LCLAT1: variants seen among roughly 807,000 people sequenced by gnomAD.
LCLAT1 encodes 1-AGP acyltransferase 8.
Under a neutral mutation model 30.7 loss-of-function variants are expected in LCLAT1, and 11 were observed. The observed-to-expected ratio is 0.36, with a 90% CI of 0.23 to 0.59. The LOEUF is 0.59. Ranked by LOEUF, LCLAT1 falls within the 20% of genes least tolerant of loss-of-function variation. The pLI, the probability that LCLAT1 is intolerant of heterozygous loss-of-function variation, is 0.77. For synonymous variants in LCLAT1, 155 were observed against 151.3 expected, an observed-to-expected ratio of 1.02 and a Z score of -0.18; for missense variants, 402 against 458.6, an observed-to-expected ratio of 0.88 and a Z score of 1.13.
At chr2:30,586,488 G>A (rs1224278014) in intron 5 of LCLAT1, among the ~76,000 whole-genome samples, 1 of 152,096 alleles carries the variant, frequency 6.6e-6, no homozygotes, top group Non-Finnish European at 1.5e-5. Flanking sequence ...CTTCTTTTAA[G>A]GATACCACTC....
At chr2:30,523,089 G>T (rs1219046695) in intron 1 of LCLAT1, among the ~76,000 whole-genome samples, 1 of 151,942 alleles carries the variant, frequency 6.6e-6, no homozygotes, top group Non-Finnish European at 1.5e-5. Flanking sequence ...TCTGCAGGGA[G>T]TTGAGGGGTG....
intron 1 of LCLAT1, among the ~76,000 whole-genome samples, chr2:30,487,580 T>C (rs571079988): frequency 9.3e-4 from 142 of 152,246 alleles, no homozygotes; most frequent in Admixed American, 2.0e-3. Flanking sequence ...ACATTTGAAA[T>C]ACTAAATACA....
intron 3 of LCLAT1, among the ~76,000 whole-genome samples, chr2:30,554,819 G>A (rs1255767474): frequency 6.6e-6 from 1 of 152,018 alleles, no homozygotes; most frequent in Non-Finnish European, 1.5e-5. Context: ...TCAAGCCAAG[G>A]GATTATCCTT....
At chr2:30,497,133 T>C (rs1684158177) in intron 1 of LCLAT1, among the ~76,000 whole-genome samples, 1 of 152,250 alleles carries the variant, frequency 6.6e-6, no homozygotes, top group Non-Finnish European at 1.5e-5. Flanking sequence ...ATGCCCTGTG[T>C]ATACCCTCTA....
chr2:30,569,595 G>A (rs1665680152), intron 5 of LCLAT1, among the ~76,000 whole-genome samples: 1 of 73,368 alleles, frequency 1.4e-5, no homozygotes, highest in Non-Finnish European at 2.8e-5. Context: ...GAACCATTAT[G>A]TAAGAAAAGG....
rs1359995546 is a variant in LCLAT1, at chr2:30,478,364, G to A, written c.-5+30981G>A. ...ATTCCAAACAGCTGATTTAAATGCAGAGTTTTAGCATGCTACCTGCTCATA... is the reference window on the plus strand; with the variant it reads ...ATTCCAAACAGCTGATTTAAATGCAAAGTTTTAGCATGCTACCTGCTCATA... On this transcript the variant is annotated intron_variant, in intron 1 of 5. Coordinates refer to ENST00000379509, the MANE Select transcript of LCLAT1 (RefSeq NM_001002257.3). 2.0e-5 allele frequency among the ~76,000 whole-genome samples: 3 copies of A among 152,254 alleles called. No homozygotes were observed. In the East Asian group the frequency reaches 5.8e-4, roughly 29 times the overall value.
At chr2:30,557,722 A>T (rs1380589914) in intron 3 of LCLAT1, among the ~76,000 whole-genome samples, 1 of 152,132 alleles carries the variant, frequency 6.6e-6, no homozygotes, top group Non-Finnish European at 1.5e-5. Context: ...GCCCACATCA[A>T]ATTTTTAATC....
intron 5 of LCLAT1, among the ~76,000 whole-genome samples, chr2:30,592,043 G>A (rs986761050): frequency 2.0e-5 from 3 of 152,036 alleles, no homozygotes; most frequent in African/African-American, 4.8e-5. Context: ...TCATCTTTGT[G>A]ATCCCAGCCC....
At chr2:30,562,841 C>T (rs915860402) in intron 4 of LCLAT1, among the ~76,000 whole-genome samples, 7 of 152,142 alleles carry the variant, frequency 4.6e-5, no homozygotes, top group Non-Finnish European at 7.3e-5. Flanking sequence ...TACTCCTCAG[C>T]GTCTTCCTCA....
chr2:30,539,035 C>A (rs1379722763), intron 3 of LCLAT1, among the ~76,000 whole-genome samples: 1 of 151,264 alleles, frequency 6.6e-6, no homozygotes, highest in East Asian at 2.0e-4. Context: ...TATTGGCTCA[C>A]TCCAACCTCC....
intron 5 of LCLAT1, among the ~76,000 whole-genome samples, chr2:30,614,340 A>G (rs1667888069): frequency 6.7e-6 from 1 of 149,590 alleles, no homozygotes; most frequent in Admixed American, 6.7e-5. Context: ...ATCTCAAGGC[A>G]GAAGAATTTT....
chr2:30,549,692 T>C (rs1403996211), intron 3 of LCLAT1, among the ~76,000 whole-genome samples: 1 of 152,232 alleles, frequency 6.6e-6, no homozygotes, highest in Non-Finnish European at 1.5e-5. Flanking sequence ...CCTTCAGTTG[T>C]TCTTTGTCTT....
At chr2:30,559,942 C>T (rs116574312) in intron 3 of LCLAT1, among the ~76,000 whole-genome samples, 9 of 152,304 alleles carry the variant, frequency 5.9e-5, no homozygotes, top group South Asian at 2.1e-4. Flanking sequence ...TTATTTGTTT[C>T]TCTCATCAAT....
intron 1 of LCLAT1, among the ~76,000 whole-genome samples, chr2:30,486,862 TTCC>T (rs1238656423): frequency 1.3e-5 from 2 of 152,192 alleles, no homozygotes; most frequent in African/African-American, 4.8e-5. Flanking sequence ...AATGTGAGCC[TTCC>T]TCCTCCACCC....
At chr2:30,477,893 T>C (rs1226005261) in intron 1 of LCLAT1, among the ~76,000 whole-genome samples, 1 of 152,176 alleles carries the variant, frequency 6.6e-6, no homozygotes, top group Non-Finnish European at 1.5e-5. Context: ...TTAAGACTTC[T>C]TGAAATTTTA....
At chr2:30,505,595 A>G (rs1364304425) in intron 1 of LCLAT1, among the ~76,000 whole-genome samples, 2 of 152,120 alleles carry the variant, frequency 1.3e-5, no homozygotes, top group East Asian at 1.9e-4. Flanking sequence ...TTCAGTTTTA[A>G]TAAAGTGAAT....
intron 3 of LCLAT1, among the ~76,000 whole-genome samples, chr2:30,543,008 G>C (rs1664221478): frequency 1.4e-5 from 2 of 139,930 alleles, no homozygotes; most frequent in African/African-American, 5.4e-5. Context: ...ATAATGTTAA[G>C]TAGAAGTGTT....
At chr2:30,570,750 G>A (rs1383483228) in intron 5 of LCLAT1, among the ~76,000 whole-genome samples, 1 of 152,192 alleles carries the variant, frequency 6.6e-6, no homozygotes, top group Non-Finnish European at 1.5e-5. Flanking sequence ...TTTAAAAAGA[G>A]GCTAAATGGC....
At chr2:30,593,897 C>T (rs1220041313) in intron 5 of LCLAT1, among the ~76,000 whole-genome samples, 2 of 139,486 alleles carry the variant, frequency 1.4e-5, no homozygotes, top group African/African-American at 5.5e-5. Flanking sequence ...CATTCCACCT[C>T]GAGCAACAGA....
Sources: gnomAD v4.1 joint callset for allele counts (sites outside exome capture counted in the v4.1 genomes callset) on GRCh38, gnomAD v4.1.1 for gene constraint, MANE v1.5 for transcripts, NCBI Gene and HGNC (gene_info 2026-07-23, HGNC 2026-07-21) for gene names.